The following CENPK variants were observed in gnomAD, a reference collection of about 807,000 sequenced individuals.
CENPK encodes the protein SoxLZ/Sox6-binding protein Solt.
A neutral mutation model predicts 40.9 loss-of-function variants in CENPK; 46 were observed. That is an observed-to-expected ratio of 1.13 (90% CI 0.89 to 1.44). The LOEUF (loss-of-function observed/expected upper bound fraction) is 1.44. Ranked by LOEUF, CENPK falls within the 40% of genes most tolerant of loss-of-function variation. CENPK has a pLI of 0.00. For missense variants in CENPK, 288 were observed against 303.5 expected (o/e 0.95, Z 0.38); for synonymous variants, 107 against 104.4 (o/e 1.02, Z -0.15).
At chr5:65,529,252 T>A in intron 6 of CENPK, 53 bp from the exon 7 acceptor site, 1 of 1,203,686 alleles carries the variant, frequency 8.3e-7, no homozygotes, top group Non-Finnish European at 1.2e-6. Context: ...CAGTTTTATT[T>A]CTGAACGATA....
At chr5:65,560,205 C>G (rs772458066) in intron 2 of CENPK, among the ~76,000 whole-genome samples, 2 of 151,736 alleles carry the variant, frequency 1.3e-5, no homozygotes, top group African/African-American at 4.8e-5. Context: ...TTTAAAACCC[C>G]CAAACCTAGG....
intron 9 of CENPK, among the ~76,000 whole-genome samples, chr5:65,527,217 A>G (rs1055978955): frequency 2.0e-5 from 3 of 152,102 alleles, no homozygotes; most frequent in African/African-American, 7.2e-5. Context: ...CCCTCACCAG[A>G]TCGGAAGGGT....
At chr5:65,510,114 TCA>T in the CENPK span, among the ~76,000 whole-genome samples, 3 of 152,184 alleles carry the variant, frequency 2.0e-5, no homozygotes, top group Non-Finnish European at 4.4e-5. Flanking sequence ...CGCATATTTC[TCA>T]CTTTAAATCA....
At chr5:65,524,060 C>G (rs80221105) in intron 9 of CENPK, among the ~76,000 whole-genome samples, 1 of 152,050 alleles carries the variant, frequency 6.6e-6, no homozygotes, top group African/African-American at 2.4e-5. Flanking sequence ...TCAAACCAAG[C>G]GAAGGATTAA....
chr5:65,518,658 A>T (rs1743152014), intron 10 of CENPK, 25 bp from the exon 11 acceptor site: 1 of 1,487,918 alleles, frequency 6.7e-7, no homozygotes, highest in Non-Finnish European at 9.2e-7. Context: ...CATTCAAAAT[A>T]TACTTTACTT....
chr5:65,552,527 A>C lies in CENPK; in HGVS notation c.134T>G (p.Ile45Ser). Residue 45 changes from isoleucine (I) to serine (S), a missense_variant, in exon 4 of 11, where the codon ATT (isoleucine) becomes AGT (serine). Transcript: ENST00000396679. Reference protein sequence around the residue: ...MEECQNKLSLIGTETLTDSNA... With the variant: ...MEECQNKLSLSGTETLTDSNA... ...TGAATCGGTGAGTGTTTCAGTTCCA[A>C]TAAGTGATAATTTATTCTGACACTT... 1 of 1,550,662 alleles carries C rather than the reference A, an allele frequency of 6.4e-7. No homozygotes were observed. Among genetic ancestry groups the C allele is most frequent in the Non-Finnish European group, 8.7e-7 (1 of 1,150,260 alleles).
chr5:65,530,831 G>A (rs1745660465), intron 6 of CENPK, among the ~76,000 whole-genome samples: 1 of 152,060 alleles, frequency 6.6e-6, no homozygotes, highest in Admixed American at 6.5e-5. Flanking sequence ...GATCACTTGA[G>A]GCCAGGAGGC....
intron 6 of CENPK, among the ~76,000 whole-genome samples, chr5:65,534,957 C>A (rs1580974717): frequency 6.6e-6 from 1 of 152,156 alleles, no homozygotes; most frequent in African/African-American, 2.4e-5. Flanking sequence ...ATGGCTCATG[C>A]CTGTAGTTCC....
intron 6 of CENPK, among the ~76,000 whole-genome samples, chr5:65,534,525 A>C (rs1421840534): frequency 1.3e-5 from 2 of 152,342 alleles, no homozygotes; most frequent in East Asian, 3.9e-4. Flanking sequence ...GAACAAAAAA[A>C]CAGAAATATC....
At chr5:65,532,108 G>A (rs1029524965) in intron 6 of CENPK, among the ~76,000 whole-genome samples, 3 of 152,200 alleles carry the variant, frequency 2.0e-5, no homozygotes, top group East Asian at 1.9e-4. Flanking sequence ...AAATGTTATC[G>A]ACAATCTTGT....
chr5:65,559,714 C>T (rs1179810382), intron 2 of CENPK, among the ~76,000 whole-genome samples: 1 of 151,084 alleles, frequency 6.6e-6, no homozygotes, highest in Non-Finnish European at 1.5e-5. Context: ...GATGGGAGGA[C>T]ATACCCTACA....
Position 65,517,798 on chromosome 5 carries a change from A to G in CENPK, c.*677T>C, listed in dbSNP as rs1176718170. On this transcript the variant is annotated 3_prime_UTR_variant, in exon 11 of 11. Coordinates refer to ENST00000396679, the MANE Select transcript of CENPK (RefSeq NM_022145.5). ...TTTCAGAAATAATTTTATTTACAGA[A>G]AATTCACAGAGGATTAATAAAATGT... 6 of 152,114 alleles carry G rather than the reference A, an allele frequency of 3.9e-5. No individual in the cohort carries two copies. The highest frequency in any genetic ancestry group is 7.4e-5 in the Non-Finnish European group (5 of 67,980). 9.4% of individuals were successfully genotyped at this position (152,114 alleles called of 1,614,324 possible).
At chr5:65,501,174 GTTTTTTTTTTTTTT>G in the CENPK span, among the ~76,000 whole-genome samples, 6 of 61,676 alleles carry the variant, frequency 9.7e-5, no homozygotes, top group African/African-American at 4.0e-4. Context: ...TGCTAAGTTT[GTTTTTTTTTTTTTT>G]TTTTTTTTTG....
intron 2 of CENPK, among the ~76,000 whole-genome samples, chr5:65,556,567 T>TAC (rs1479806761): frequency 6.6e-6 from 1 of 152,180 alleles, no homozygotes; most frequent in Non-Finnish European, 1.5e-5. Flanking sequence ...AGTTGATATG[T>TAC]TAAAAAATTA....
intron 3 of CENPK, among the ~76,000 whole-genome samples, chr5:65,554,078 T>A (rs570748807): frequency 2.0e-5 from 3 of 152,348 alleles, no homozygotes; most frequent in Non-Finnish European, 2.9e-5. Flanking sequence ...CTTTATGCTT[T>A]GTATACCTCT....
At chr5:65,542,632 G>A (rs1030153001) in intron 6 of CENPK, among the ~76,000 whole-genome samples, 170 bp downstream of exon 6, 10 of 149,786 alleles carry the variant, frequency 6.7e-5, no homozygotes, top group South Asian at 2.1e-4. Flanking sequence ...GCGAGACTCC[G>A]TTTCCAAAAA....
rs918903214 is a variant in CENPK, at chr5:65,518,220, C to T, written c.*255G>A. 2 of 336,134 alleles carry T rather than the reference C, an allele frequency of 6.0e-6. No individual in the cohort carries two copies. The highest frequency in any genetic ancestry group is 2.2e-5 in the African/African-American group (1 of 45,986). 20.8% of individuals were successfully genotyped at this position (336,134 alleles called of 1,614,324 possible). On this transcript the variant is annotated 3_prime_UTR_variant, in exon 11 of 11. Coordinates refer to ENST00000396679, the MANE Select transcript of CENPK (RefSeq NM_022145.5). ...AAAGAATATTGCATGAGGTAAGGTA[C>T]ATTAAATGTTTTATGCCTAGAATAT...
At chr5:65,510,527 C>T in the CENPK span, among the ~76,000 whole-genome samples, 2 of 152,154 alleles carry the variant, frequency 1.3e-5, no homozygotes, top group Non-Finnish European at 2.9e-5. Flanking sequence ...GTAATCCCAG[C>T]ACTTTGGGAG....
intron 10 of CENPK, 45 bp from the exon 11 acceptor site, chr5:65,518,678 T>G: frequency 7.7e-7 from 1 of 1,297,980 alleles, no homozygotes; most frequent in Non-Finnish European, 1.1e-6. Flanking sequence ...TGGGAAAAAG[T>G]CAATATAGCT....
Sources: gnomAD v4.1 joint callset for allele counts (sites outside exome capture counted in the v4.1 genomes callset) on GRCh38, gnomAD v4.1.1 for gene constraint, MANE v1.5 for transcripts, NCBI Gene and HGNC (gene_info 2026-07-23, HGNC 2026-07-21) for gene names.